The following SLC4A10 variants were observed in gnomAD, a reference collection of about 807,000 sequenced individuals.
The protein encoded by SLC4A10 is solute carrier family 4 member 10.
A neutral mutation model predicts 137.7 loss-of-function variants in SLC4A10; 42 were observed. The ratio of observed to expected loss-of-function variants is 0.30; its 90% CI spans 0.24 to 0.39. SLC4A10 has a LOEUF of 0.39. Ranked by LOEUF, SLC4A10 falls within the 10% of genes least tolerant of loss-of-function variation. The pLI, the probability that SLC4A10 is intolerant of heterozygous loss-of-function variation, is 1.00. For missense variants in SLC4A10, 925 were observed against 1,355.0 expected, an observed-to-expected ratio of 0.68 and a Z score of 4.98; for synonymous variants, 474 against 464.1, an observed-to-expected ratio of 1.02 and a Z score of -0.27.
At chr2:161,766,546 A>G (rs1391745371) in intron 1 of SLC4A10, among the ~76,000 whole-genome samples, 1 of 152,156 alleles carries the variant, frequency 6.6e-6, no homozygotes, top group African/African-American at 2.4e-5. Flanking sequence ...ACATGGATAC[A>G]TGACTTAGCT....
chr2:161,850,175 A>G (rs1031852515), intron 4 of SLC4A10, among the ~76,000 whole-genome samples: 5 of 152,098 alleles, frequency 3.3e-5, no homozygotes, highest in African/African-American at 1.2e-4. Flanking sequence ...GGATCACTTG[A>G]GCCCAGACAT....
intron 15 of SLC4A10, among the ~76,000 whole-genome samples, chr2:161,907,311 G>A (rs1308040839): frequency 6.6e-6 from 1 of 152,156 alleles, no homozygotes; most frequent in African/African-American, 2.4e-5. Context: ...AGGCAAATGG[G>A]AAGAACAGTT....
In SLC4A10 at chr2:161,799,486, T is replaced by C. The variant is rs187632665; in HGVS notation, c.131-4963T>C. On this transcript the variant is annotated intron_variant, in intron 2 of 26. Transcript: ENST00000446997. ...TCTCTAGTTCTTTAGGCCAGTGTTATAATGTTAGGATTTACAAAAGTTGGT... is the reference window on the plus strand; with the variant it reads ...TCTCTAGTTCTTTAGGCCAGTGTTACAATGTTAGGATTTACAAAAGTTGGT... Among the ~76,000 whole-genome samples the C allele has an allele frequency of 6.0e-4, 91 of 152,064 alleles. 1 individual carries two copies. Among genetic ancestry groups the C allele is most frequent in the Middle Eastern group, 6.8e-3 (2 of 294 alleles).
At chr2:161,791,469 G>A (rs1290043856) in intron 2 of SLC4A10, among the ~76,000 whole-genome samples, 1 of 152,124 alleles carries the variant, frequency 6.6e-6, no homozygotes, top group Non-Finnish European at 1.5e-5. Context: ...CCTGTTGGAG[G>A]GTAGGAGGTG....
At chr2:161,775,860 TTAAA>T (rs2052258215) in intron 2 of SLC4A10, among the ~76,000 whole-genome samples, 1 of 151,834 alleles carries the variant, frequency 6.6e-6, no homozygotes, top group African/African-American at 2.4e-5. Context: ...AGCAAGTTAC[TTAAA>T]TAATATGATC....
intron 11 of SLC4A10, among the ~76,000 whole-genome samples, chr2:161,895,226 C>T: frequency 6.6e-6 from 1 of 152,024 alleles, no homozygotes; most frequent in Non-Finnish European, 1.5e-5. Flanking sequence ...ATCCATGTCC[C>T]TACAAAGGAT....
chr2:161,786,771 G>T (rs2053672206), intron 2 of SLC4A10, among the ~76,000 whole-genome samples: 1 of 150,724 alleles, frequency 6.6e-6, no homozygotes, highest in African/African-American at 2.4e-5. Context: ...TGACAGGAGA[G>T]TATTGTCCTA....
At chr2:161,944,356 T>C (rs1385823982) in intron 16 of SLC4A10, among the ~76,000 whole-genome samples, 1 of 151,856 alleles carries the variant, frequency 6.6e-6, no homozygotes. Context: ...CTCTAAGTTA[T>C]ATAACATGAT....
chr2:161,795,456 T>C (rs897266054), intron 2 of SLC4A10, among the ~76,000 whole-genome samples: 6 of 152,242 alleles, frequency 3.9e-5, no homozygotes, highest in African/African-American at 1.4e-4. Flanking sequence ...GAGTTTGGAA[T>C]ATACACCCAT....
At chr2:161,744,549 A>G (rs1187930778) in intron 1 of SLC4A10, among the ~76,000 whole-genome samples, 1 of 152,080 alleles carries the variant, frequency 6.6e-6, no homozygotes, top group Non-Finnish European at 1.5e-5. Flanking sequence ...TTTTGGTGGT[A>G]TGTTTTAATT....
intron 1 of SLC4A10, among the ~76,000 whole-genome samples, chr2:161,671,163 CT>C (rs1049184559): frequency 2.0e-5 from 3 of 152,100 alleles, no homozygotes; most frequent in African/African-American, 7.2e-5. Flanking sequence ...GGGCAGAGCC[CT>C]GATCGATAGA....
At chr2:161,861,443 A>C (rs1001971640) in intron 5 of SLC4A10, among the ~76,000 whole-genome samples, 1 of 152,136 alleles carries the variant, frequency 6.6e-6, no homozygotes, top group Non-Finnish European at 1.5e-5. Flanking sequence ...AGGAGGAGGA[A>C]GTTAACAAAA....
rs373195922 is a variant in SLC4A10 at position 161,778,313 on chromosome 2, T to A, written c.130+7259T>A. On this transcript the variant is annotated intron_variant, in intron 2 of 26. Transcript: ENST00000446997. ...TTTTTCCCCAGATAATAATAATAAT[T>A]ATCTTTCTCCTCTTAACCTCTCTTT... Among the ~76,000 whole-genome samples the A allele has an allele frequency of 9.2e-5, 14 of 152,058 alleles. 1 individual carries two copies. The East Asian group carries it at 1.6e-3, about 17-fold the overall frequency.
At chr2:161,936,571 T>C (rs548535348) in intron 15 of SLC4A10, among the ~76,000 whole-genome samples, 9 of 152,146 alleles carry the variant, frequency 5.9e-5, no homozygotes, top group Non-Finnish European at 1.2e-4. Flanking sequence ...ATATGTTGGA[T>C]AATAATTGTT....
At chr2:161,894,583 T>A in intron 10 of SLC4A10, 96 bp from the exon 11 acceptor site, 1 of 560,594 alleles carries the variant, frequency 1.8e-6, no homozygotes, top group Non-Finnish European at 2.6e-6. Flanking sequence ...CAAATTGTTA[T>A]AATCACATGT....
At chr2:161,737,463 A>G (rs1023835) in intron 1 of SLC4A10, among the ~76,000 whole-genome samples, 12,230 of 151,586 alleles carry the variant, frequency 0.081, 631 homozygotes, top group East Asian at 0.14. Flanking sequence ...CCAAATGTTT[A>G]GTGGATGTAG....
intron 1 of SLC4A10, among the ~76,000 whole-genome samples, chr2:161,657,887 A>T (rs2037763081): frequency 6.6e-6 from 1 of 152,204 alleles, no homozygotes; most frequent in Non-Finnish European, 1.5e-5. Context: ...AAATTACAAC[A>T]TACCAAATTA....
chr2:161,770,773 A>T (rs1186663946), intron 1 of SLC4A10, among the ~76,000 whole-genome samples, 200 bp from the exon 2 acceptor site: 1 of 151,920 alleles, frequency 6.6e-6, no homozygotes, highest in Non-Finnish European at 1.5e-5. Flanking sequence ...AAACCAGATG[A>T]TATTTCTTCA....
At chr2:161,745,917 C>T (rs1343213499) in intron 1 of SLC4A10, among the ~76,000 whole-genome samples, 1 of 152,058 alleles carries the variant, frequency 6.6e-6, no homozygotes, top group Non-Finnish European at 1.5e-5. Context: ...CCCTTACTTT[C>T]CCACAAACAA....
Sources: gnomAD v4.1 joint callset for allele counts (sites outside exome capture counted in the v4.1 genomes callset) on GRCh38, gnomAD v4.1.1 for gene constraint, MANE v1.5 for transcripts, NCBI Gene and HGNC (gene_info 2026-07-23, HGNC 2026-07-21) for gene names.